The following CNTN5 variants were observed in gnomAD, a reference collection of about 807,000 sequenced individuals.
CNTN5 encodes contactin 5.
In CNTN5, 77 loss-of-function variants were observed where a neutral mutation model predicts 129.1. The observed-to-expected ratio is 0.60, with a 90% confidence interval of 0.50 to 0.72. CNTN5 has a LOEUF of 0.72. Ranked by LOEUF, CNTN5 falls within the 30% of genes least tolerant of loss-of-function variation. CNTN5 has a pLI of 0.00. For missense variants in CNTN5, 1,478 were observed against 1,328.8 expected (o/e 1.11, Z -1.75); for synonymous variants, 509 against 465.6 (o/e 1.09, Z -1.20).
intron 2 of CNTN5, among the ~76,000 whole-genome samples, chr11:99,439,129 G>T (rs1157899920): frequency 6.6e-6 from 1 of 152,100 alleles, no homozygotes; most frequent in East Asian, 1.9e-4. Context: ...AATGCCCATG[G>T]GAGAGAAATA....
chr11:99,683,528 G>T (rs1018635626), intron 3 of CNTN5, among the ~76,000 whole-genome samples: 1 of 151,730 alleles, frequency 6.6e-6, no homozygotes, highest in African/African-American at 2.4e-5. Flanking sequence ...ATACTGCCTT[G>T]GTTATTGTGC....
chr11:99,448,327 A>C (rs1307776648), intron 2 of CNTN5, among the ~76,000 whole-genome samples: 1 of 152,228 alleles, frequency 6.6e-6, no homozygotes, highest in Non-Finnish European at 1.5e-5. Context: ...TACATTAATA[A>C]GTTTACTTGA....
intron 1 of CNTN5, among the ~76,000 whole-genome samples, chr11:99,063,507 CATAAATAAATAAATAAATAAATAAATAA>C (rs67049549): frequency 6.7e-6 from 1 of 148,684 alleles, no homozygotes; most frequent in African/African-American, 2.5e-5. Flanking sequence ...ACTGAAAACT[CATAAATAAATAAATAAATAAATAAATAA>C]ATAAATAAAT....
In CNTN5 at chr11:99,844,934, A is replaced by G. The variant is rs748663908; in HGVS notation, c.360A>G (p.Ala120=). ...FPTDSDEKKV[A]LNCEVRGNPV... ...CTGATTCTGATGAAAAGAAGGTAGC[A>G]TTGAATTGTGAAGTTCGTGGCAATC... Residue 120 remains alanine, a synonymous_variant, in exon 5 of 25, where the codon GCA becomes GCG. Coordinates refer to ENST00000524871, the MANE Select transcript of CNTN5 (RefSeq NM_014361.4). The G allele has an allele frequency of 4.3e-6, 7 of 1,613,870 alleles. No individual in the cohort carries two copies. The South Asian group carries it at 5.5e-5, about 13-fold the overall frequency.
At position 99,840,331 on chromosome 11, in the gene CNTN5, TTAGAAA is replaced by T. The variant is rs199507855; in HGVS notation, c.278-4519_278-4514del. 6.4e-3 allele frequency among the ~76,000 whole-genome samples: 974 copies of T among 152,224 alleles called. 15 individuals are homozygous for T. The highest frequency in any genetic ancestry group is 0.022 in the African/African-American group (926 of 41,562). On this transcript the variant is annotated intron_variant, in intron 4 of 24. Transcript: ENST00000524871. ...TTGTTTTTGGTAAAAAATAAGGAACTTAGAAATGGAAAAACCATGGGAAGATACATA... is the reference window on the plus strand; with the variant it reads ...TTGTTTTTGGTAAAAAATAAGGAACTTGGAAAAACCATGGGAAGATACATA...
intron 3 of CNTN5, among the ~76,000 whole-genome samples, chr11:99,714,819 A>C (rs1034816986): frequency 6.7e-6 from 1 of 149,334 alleles, no homozygotes; most frequent in African/African-American, 2.5e-5. Flanking sequence ...TAATATATCA[A>C]ACCACTTAGC....
chr11:99,409,840 T>G (rs1942308435), intron 2 of CNTN5, among the ~76,000 whole-genome samples: 1 of 149,318 alleles, frequency 6.7e-6, no homozygotes, highest in Admixed American at 6.7e-5. Flanking sequence ...TGTGACTACT[T>G]AGTAGAAGAA....
At chr11:100,071,880 C>T in intron 12 of CNTN5, 46 bp downstream of exon 12, 1 of 1,485,566 alleles carries the variant, frequency 6.7e-7, no homozygotes, top group Non-Finnish European at 9.0e-7. Context: ...AACCTTGCTT[C>T]TTTTCATGCT....
At chr11:99,873,631 C>A (rs538587577) in intron 6 of CNTN5, among the ~76,000 whole-genome samples, 3 of 152,186 alleles carry the variant, frequency 2.0e-5, no homozygotes, top group Non-Finnish European at 4.4e-5. Flanking sequence ...TAAATTCAAT[C>A]TTTATGGAAA....
chr11:99,983,614 G>A (rs1262076170), intron 8 of CNTN5, among the ~76,000 whole-genome samples: 1 of 152,154 alleles, frequency 6.6e-6, no homozygotes, highest in Non-Finnish European at 1.5e-5. Context: ...CAGATTAAAG[G>A]GTTGATCTAG....
intron 8 of CNTN5, among the ~76,000 whole-genome samples, chr11:99,969,899 C>A (rs977744067): frequency 1.6e-4 from 24 of 152,100 alleles, no homozygotes; most frequent in African/African-American, 5.8e-4. Flanking sequence ...CACTCCTCAC[C>A]CCCATGATAT....
intron 1 of CNTN5, among the ~76,000 whole-genome samples, chr11:99,192,498 T>C (rs1369277257): frequency 6.6e-6 from 1 of 151,930 alleles, no homozygotes; most frequent in African/African-American, 2.4e-5. Context: ...ATAGTAGATA[T>C]GTCACCATAC....
chr11:99,563,938 C>T (rs771294595), intron 3 of CNTN5, among the ~76,000 whole-genome samples: 1 of 152,194 alleles, frequency 6.6e-6, no homozygotes, highest in Admixed American at 6.5e-5. Context: ...GATTCAATCT[C>T]TTCAAGAGAG....
chr11:100,335,082 G>A (rs1481217375), intron 21 of CNTN5, among the ~76,000 whole-genome samples: 1 of 151,912 alleles, frequency 6.6e-6, no homozygotes, highest in Non-Finnish European at 1.5e-5. Flanking sequence ...AACATGGGAG[G>A]CTGCGCATGT....
intron 9 of CNTN5, among the ~76,000 whole-genome samples, chr11:100,044,132 G>A (rs1942529215): frequency 7.8e-6 from 1 of 128,864 alleles, no homozygotes. Context: ...AGACTTACAT[G>A]TACATGTGTA....
Position 99,149,475 on chromosome 11 carries a change from T to A in CNTN5, c.-210+128205T>A, listed in dbSNP as rs148543497. On this transcript the variant is annotated intron_variant, in intron 1 of 24. Transcript: ENST00000524871. ...TCTTTTGTGAAGAATAGAGGCTTAT[T>A]ATTTTAGAATACTAGATGTATAAAA... Among the ~76,000 whole-genome samples, 284 of 152,256 alleles carry A rather than the reference T, an allele frequency of 1.9e-3. 1 individual carries two copies. The highest frequency in any genetic ancestry group is 6.5e-3 in the African/African-American group (272 of 41,548).
chr11:99,374,077 C>T (rs1420538440), intron 2 of CNTN5, among the ~76,000 whole-genome samples: 3 of 152,168 alleles, frequency 2.0e-5, no homozygotes, highest in East Asian at 3.9e-4. Flanking sequence ...TTTTTCAGAA[C>T]CCTTTAGAAA....
At chr11:99,998,778 A>G (rs913580799) in intron 8 of CNTN5, among the ~76,000 whole-genome samples, 2 of 150,716 alleles carry the variant, frequency 1.3e-5, no homozygotes, top group Non-Finnish European at 2.9e-5. Context: ...ACAGTAACCA[A>G]AATAGCCTGG....
At chr11:99,954,487 G>C (rs1307827173) in intron 7 of CNTN5, among the ~76,000 whole-genome samples, 1 of 152,214 alleles carries the variant, frequency 6.6e-6, no homozygotes, top group East Asian at 1.9e-4. Flanking sequence ...TATTTTTAAG[G>C]GCCAGGTGCA....
Sources: allele counts gnomAD v4.1 joint callset (sites outside exome capture counted in the v4.1 genomes callset), GRCh38; gene constraint gnomAD v4.1.1; transcripts MANE v1.5; gene names NCBI Gene and HGNC (gene_info 2026-07-23, HGNC 2026-07-21).